The following AVEN variants were observed in gnomAD, a reference collection of about 807,000 sequenced individuals.
AVEN encodes the protein apoptosis and caspase activation inhibitor.
AVEN carries 41 observed loss-of-function variants against 38.1 expected under a neutral mutation model. That is an observed-to-expected ratio of 1.08 (90% CI 0.84 to 1.40). The LOEUF (loss-of-function observed/expected upper bound fraction) is 1.40, where lower values mean the gene tolerates loss of function less well. AVEN is among the 40% of genes most tolerant of loss of function. The pLI, the probability that AVEN is intolerant of heterozygous loss-of-function variation, is 0.00. For missense variants in AVEN, 605 were observed against 438.8 expected (o/e 1.38, Z -3.38); for synonymous variants, 206 against 171.8 (o/e 1.20, Z -1.56).
intron 2 of AVEN, among the ~76,000 whole-genome samples, chr15:33,977,390 C>T (rs1362370123): frequency 4.6e-5 from 7 of 152,126 alleles, no homozygotes; most frequent in Admixed American, 4.6e-4. Flanking sequence ...CTTATCATCT[C>T]CTCCTATACT....
intron 2 of AVEN, among the ~76,000 whole-genome samples, chr15:33,926,758 G>A (rs1486449941): frequency 3.9e-5 from 6 of 152,082 alleles, no homozygotes; most frequent in Admixed American, 1.3e-4. Flanking sequence ...GGGTTCAAGC[G>A]ATTCTCCCAC....
At chr15:33,858,269 A>AT, downstream of AVEN, 1 of 212,908 alleles carries the variant, frequency 4.7e-6, no homozygotes, top group Non-Finnish European at 9.5e-6. Flanking sequence ...CAATGGCGTC[A>AT]TCTCAGCTCA....
intron 1 of AVEN, among the ~76,000 whole-genome samples, chr15:34,034,284 T>C (rs1193894025): frequency 6.6e-6 from 1 of 151,912 alleles, no homozygotes; most frequent in African/African-American, 2.4e-5. Context: ...CTACAAAATA[T>C]AAAAATATTA....
chr15:33,860,597 C>A, intron 11 of AVEN: 1 of 1,579,190 alleles, frequency 6.3e-7, no homozygotes, highest in South Asian at 1.2e-5. Context: ...CATTCCAGGT[C>A]TTATTATTGA....
intron 1 of AVEN, among the ~76,000 whole-genome samples, chr15:34,037,178 G>T (rs1406466229): frequency 6.6e-6 from 1 of 151,290 alleles, no homozygotes; most frequent in Non-Finnish European, 1.5e-5. Context: ...CAAAACAGAA[G>T]CACCTTCACT....
At chr15:33,992,930 A>G (rs1349971400) in intron 2 of AVEN, among the ~76,000 whole-genome samples, 5 of 152,250 alleles carry the variant, frequency 3.3e-5, no homozygotes, top group African/African-American at 1.2e-4. Context: ...ATGCACAGAC[A>G]ACAACTATAC....
intron 2 of AVEN, among the ~76,000 whole-genome samples, chr15:33,974,702 G>A (rs1273082856): frequency 6.6e-6 from 1 of 152,248 alleles, no homozygotes; most frequent in African/African-American, 2.4e-5. Context: ...GCCGGGCACA[G>A]TGGCTCACGC....
the AVEN span, chr15:33,853,667 C>G: frequency 3.7e-6 from 6 of 1,613,662 alleles, no homozygotes; most frequent in Admixed American, 1.0e-4. Flanking sequence ...GCAGAAGCGG[C>G]TTCTCTGGTG....
At chr15:34,064,674 C>A in intron 4 of AVEN, 1 of 243,924 alleles carries the variant, frequency 4.1e-6, no homozygotes, top group Non-Finnish European at 8.5e-6. Context: ...CAGGTGGAAA[C>A]CTTTTCCTGT....
chr15:33,942,187 A>T (rs980239256), intron 2 of AVEN, among the ~76,000 whole-genome samples: 2 of 152,210 alleles, frequency 1.3e-5, no homozygotes, highest in Non-Finnish European at 2.9e-5. Context: ...TAGAGAAGAA[A>T]AAGCATTGAA....
In AVEN at chr15:34,063,133, G is replaced by A. The variant is rs372901279; in HGVS notation, n.1426C>T. 9.9e-6 allele frequency: 16 copies of A among 1,613,926 alleles called. No individual in the cohort carries two copies. Among genetic ancestry groups the A allele is most frequent in the African/African-American group, 4.0e-5 (3 of 74,876 alleles). ...TCCATCACAAGACCCTTGACATATC[G>A]GGCCAAGCGTACTCCGAAAAGGGCT... On this transcript the variant is annotated non_coding_transcript_exon_variant, in exon 5 of 12. Transcript: ENST00000675287. This position sits in a 1 kb window ranked among gnomAD's most constrained non-coding sequence, Gnocchi z 4.1.
intron 2 of AVEN, among the ~76,000 whole-genome samples, chr15:33,992,522 G>A (rs1402663147): frequency 6.6e-6 from 1 of 152,030 alleles, no homozygotes; most frequent in East Asian, 1.9e-4. Context: ...TTTTAGCCCT[G>A]TCAGCCAGAA....
At chr15:33,894,821 AATAATAACAATAATAAT>A (rs1481768102) in intron 2 of AVEN, among the ~76,000 whole-genome samples, 3 of 70,042 alleles carry the variant, frequency 4.3e-5, no homozygotes, top group East Asian at 3.8e-4. Flanking sequence ...AAAAAAAAAA[AATAATAACAATAATAAT>A]AATAATAATA....
Position 34,063,789 on chromosome 15 carries a change from AC to A in AVEN, n.1127-358del. On this transcript the variant is annotated intron_variant and non_coding_transcript_variant, in intron 4 of 11. Transcript: ENST00000675287. This position sits in a 1 kb window ranked among gnomAD's most constrained non-coding sequence, Gnocchi z 4.1. ...TGAAACTGAAAAAAGTGACTATGAC[AC>A]CCCAAACTACCTTCTGTCTCCAGCA... 6.2e-7 allele frequency: 1 copy of A among 1,614,132 alleles called. No homozygotes were observed. Among genetic ancestry groups the A allele is most frequent in the Non-Finnish European group, 8.5e-7 (1 of 1,180,022 alleles).
At chr15:33,959,533 A>C (rs1303695950) in intron 2 of AVEN, among the ~76,000 whole-genome samples, 9 of 152,084 alleles carry the variant, frequency 5.9e-5, no homozygotes, top group Non-Finnish European at 4.4e-5. Flanking sequence ...TTGAACCCCC[A>C]GACTCTACCT....
At chr15:33,912,196 T>G (rs531267224) in intron 2 of AVEN, among the ~76,000 whole-genome samples, 1 of 152,314 alleles carries the variant, frequency 6.6e-6, no homozygotes, top group Non-Finnish European at 1.5e-5. Context: ...TTCATAGAAC[T>G]GTTAAGTTTA....
At chr15:33,860,957 A>G in intron 11 of AVEN, 1 of 766,928 alleles carries the variant, frequency 1.3e-6, no homozygotes, top group Non-Finnish European at 2.1e-6. Context: ...GTGAATGACT[A>G]ATAGCCAAAA....
At chr15:33,858,071 C>G, downstream of AVEN, 1 of 957,450 alleles carries the variant, frequency 1.0e-6, no homozygotes. Flanking sequence ...GATGTCTTCT[C>G]CAAACAGGAG....
chr15:34,036,595 C>A (rs973514287), intron 1 of AVEN, among the ~76,000 whole-genome samples: 3 of 152,108 alleles, frequency 2.0e-5, no homozygotes, highest in African/African-American at 7.2e-5. Flanking sequence ...AACAGTACTT[C>A]AGAATCTGAG....
Sources: gnomAD v4.1 joint callset for allele counts (sites outside exome capture counted in the v4.1 genomes callset) on GRCh38, gnomAD v4.1.1 for gene constraint, Gnocchi (gnomAD v3.1) non-coding constraint, MANE v1.5 for transcripts, NCBI Gene and HGNC (gene_info 2026-07-23, HGNC 2026-07-21) for gene names.